The following ELK4 variants were observed in gnomAD, a reference collection of about 807,000 sequenced individuals.
ELK4 encodes the protein ETS domain-containing protein Elk-4.
A neutral mutation model predicts 29.6 loss-of-function variants in ELK4; 16 were observed. The ratio of observed to expected loss-of-function variants is 0.54; its 90% CI spans 0.37 to 0.82. The LOEUF (loss-of-function observed/expected upper bound fraction) is 0.82. ELK4 is among the 40% of genes least tolerant of loss of function. The pLI, the probability that ELK4 is intolerant of heterozygous loss-of-function variation, is 0.00. For missense variants in ELK4, 465 were observed against 507.1 expected, an observed-to-expected ratio of 0.92 and a Z score of 0.80; for synonymous variants, 213 against 191.1, an observed-to-expected ratio of 1.11 and a Z score of -0.95.
At chr1:205,629,184 A>AAAAAAAG (rs1457924284) in intron 1 of ELK4, among the ~76,000 whole-genome samples, 10 of 151,468 alleles carry the variant, frequency 6.6e-5, no homozygotes, top group African/African-American at 2.2e-4. Flanking sequence ...AAAAAAAAAA[A>AAAAAAAG]AAAAGAAAAG....
At position 205,616,337 on chromosome 1, in the gene ELK4, T is replaced by A. The variant is rs541169273; in HGVS notation, c.*209A>T. The A allele has an allele frequency of 6.3e-4, 284 of 449,522 alleles. 7 individuals carry two copies. The South Asian group carries it at 0.012, about 20-fold the overall frequency. The allele number at this position is 449,522 out of a possible 1,614,324, so 27.8% of individuals were successfully genotyped here. On this transcript the variant is annotated 3_prime_UTR_variant, in exon 5 of 5. Coordinates refer to ENST00000357992, the MANE Select transcript of ELK4 (RefSeq NM_001973.4). ...GGAAAAGACAGAGGGAGGTGGAGTT[T>A]AGACTCCAATTAAGGCATTTTTATA...
intron 1 of ELK4, among the ~76,000 whole-genome samples, chr1:205,627,514 A>G (rs1453523313): frequency 6.7e-6 from 1 of 149,726 alleles, no homozygotes; most frequent in Middle Eastern, 3.2e-3. Context: ...GCCTCAAAAA[A>G]AAAAAAGAAA....
intron 3 of ELK4, chr1:205,619,322 G>T: frequency 2.8e-6 from 3 of 1,062,748 alleles, no homozygotes; most frequent in Non-Finnish European, 3.4e-6. Flanking sequence ...AGTGGTTTTT[G>T]GTTACATGGA....
At position 205,607,966 on chromosome 1, in the gene ELK4, T is replaced by A. The variant is rs1392576273; in HGVS notation, c.*8580A>T. 2 of 173,250 alleles carry A rather than the reference T, an allele frequency of 1.2e-5. No homozygotes were observed. The highest frequency in any genetic ancestry group is 4.8e-5 in the African/African-American group (2 of 42,088). The allele number at this position is 173,250 out of a possible 1,614,324, so 10.7% of individuals were successfully genotyped here. A position where few individuals can be genotyped will look rare whatever the true frequency, so the allele number is the denominator to read the frequency against. ...AATCATTTTGTTAAAAATATTTATT[T>A]AAAAAAATACAACTGCTGTCCATAT... On this transcript the variant is annotated 3_prime_UTR_variant, in exon 5 of 5. Coordinates refer to ENST00000357992, the MANE Select transcript of ELK4 (RefSeq NM_001973.4).
At chr1:205,623,017 G>C (rs1448334720) in intron 2 of ELK4, among the ~76,000 whole-genome samples, 2 of 151,692 alleles carry the variant, frequency 1.3e-5, no homozygotes, top group Non-Finnish European at 2.9e-5. Flanking sequence ...AATTAGCTGG[G>C]CGTGGTGGTG....
chr1:205,619,099 CACTG>C, intron 3 of ELK4, 26 bp from the exon 4 acceptor site: 1 of 1,482,332 alleles, frequency 6.7e-7, no homozygotes, highest in African/African-American at 1.4e-5. Context: ...CAAAAATATT[CACTG>C]ACTGACTTAC....
intron 1 of ELK4, chr1:205,626,178 G>C (rs979568101): frequency 3.2e-6 from 2 of 623,354 alleles, no homozygotes; most frequent in African/African-American, 3.7e-5. Flanking sequence ...AGCTGGAAGG[G>C]GGGTCTCATT....
intron 2 of ELK4, 125 bp downstream of exon 2, chr1:205,623,551 G>A (rs1670394750): frequency 9.8e-7 from 1 of 1,020,596 alleles, no homozygotes; most frequent in Non-Finnish European, 1.5e-6. Flanking sequence ...CTGACCTCAG[G>A]TGATCCACCC....
Position 205,614,643 on chromosome 1 carries a change from C to T in ELK4, c.*1903G>A. The T allele has an allele frequency of 4.4e-6, 1 of 226,462 alleles. No individual in the cohort carries two copies. The allele number at this position is 226,462 out of a possible 1,614,324, so 14.0% of individuals were successfully genotyped here. A position where few individuals can be genotyped will look rare whatever the true frequency, so the allele number is the denominator to read the frequency against. ...CTCACTGAATATGTTCCCTCTACTA[C>T]TACTAAGTTAGCTAGCATAGATGTC... On this transcript the variant is annotated 3_prime_UTR_variant, in exon 5 of 5. Transcript: ENST00000357992.
rs567819535 is a variant in ELK4 at position 205,623,781 on chromosome 1, C to T, written c.102G>A (p.Lys34=). 1 of 1,614,022 alleles carries T rather than the reference C, an allele frequency of 6.2e-7. No individual in the cohort carries two copies. Among genetic ancestry groups the T allele is most frequent in the Admixed American group, 1.7e-5 (1 of 59,996 alleles). ...GAGCCACCTCTTCTGCCTGCAAAAG[C>T]TTAAACTGCCCATCATTAGAGGTCC... The part of the protein sequence containing the change: ...ICWTSNDGQF[K]LLQAEEVARL... The change falls in exon 2 of 5, where the codon AAG becomes AAA. Residue 34 remains lysine (K), a synonymous_variant. Coordinates refer to ENST00000357992, the MANE Select transcript of ELK4 (RefSeq NM_001973.4).
At chr1:205,626,734 G>GGAAT (rs1670472776) in intron 1 of ELK4, among the ~76,000 whole-genome samples, 1 of 152,148 alleles carries the variant, frequency 6.6e-6, no homozygotes, top group African/African-American at 2.4e-5. Context: ...ATTGCTGGTG[G>GGAAT]GAATGTAAAA....
At chr1:205,624,602 T>C (rs1023333649) in intron 1 of ELK4, among the ~76,000 whole-genome samples, 1 of 152,184 alleles carries the variant, frequency 6.6e-6, no homozygotes, top group Non-Finnish European at 1.5e-5. Flanking sequence ...AAGGCATGGA[T>C]TGAAGAAAAA....
chr1:205,629,534 T>C (rs959677489), intron 1 of ELK4, among the ~76,000 whole-genome samples: 1 of 151,882 alleles, frequency 6.6e-6, no homozygotes, highest in African/African-American at 2.4e-5. Context: ...CTGGCCAACA[T>C]GGTGAAACCC....
Position 205,611,386 on chromosome 1 carries a change from A to G in ELK4, c.*5160T>C. The G allele has an allele frequency of 4.7e-6, 1 of 211,908 alleles. No homozygotes were observed. The highest frequency in any genetic ancestry group is 7.1e-5 in the East Asian group (1 of 14,184). 13.1% of individuals were successfully genotyped at this position (211,908 alleles called of 1,614,324 possible). On this transcript the variant is annotated 3_prime_UTR_variant, in exon 5 of 5. Coordinates refer to ENST00000357992, the MANE Select transcript of ELK4 (RefSeq NM_001973.4). ...ATACACGACCAACCACAAGAATTCTAGATCCTAAGATTAAACTTCAACTTC... is the reference window on the plus strand; with the variant it reads ...ATACACGACCAACCACAAGAATTCTGGATCCTAAGATTAAACTTCAACTTC...
At chr1:205,629,408 G>T (rs546588006) in intron 1 of ELK4, among the ~76,000 whole-genome samples, 1 of 152,092 alleles carries the variant, frequency 6.6e-6, no homozygotes, top group Non-Finnish European at 1.5e-5. Flanking sequence ...TATTAACAAT[G>T]ATCTTCAATG....
chr1:205,616,420 G>A lies in ELK4; in HGVS notation c.*126C>T. 1 of 818,020 alleles carries A rather than the reference G, an allele frequency of 1.2e-6. No individual in the cohort carries two copies. The highest frequency in any genetic ancestry group is 1.9e-5 in the South Asian group (1 of 53,194). The allele number at this position is 818,020 out of a possible 1,614,324, so 50.7% of individuals were successfully genotyped here. On this transcript the variant is annotated 3_prime_UTR_variant, in exon 5 of 5. Coordinates refer to ENST00000357992, the MANE Select transcript of ELK4 (RefSeq NM_001973.4). ...AATCCTAAAAAGATGTTTTCAATGG[G>A]GAATGGCAAAAATCACAATAGTCTA...
chr1:205,609,648 A>C lies in ELK4; in HGVS notation c.*6898T>G, dbSNP rs1051678643. On this transcript the variant is annotated 3_prime_UTR_variant, in exon 5 of 5. Transcript: ENST00000357992. Reference sequence around the variant, plus strand: ...CTGGTTAATACTGCCCCAAGTAACAAAACAATGAAATGTCAGGATTGTGTC... The same window carrying C: ...CTGGTTAATACTGCCCCAAGTAACACAACAATGAAATGTCAGGATTGTGTC... The C allele has an allele frequency of 2.9e-5, 6 of 206,002 alleles. No individual in the cohort carries two copies. The highest frequency in any genetic ancestry group is 6.0e-5 in the Admixed American group (1 of 16,784). The allele number at this position is 206,002 out of a possible 1,614,324, so 12.8% of individuals were successfully genotyped here.
intron 1 of ELK4, among the ~76,000 whole-genome samples, chr1:205,631,077 C>T (rs752803010): frequency 6.6e-6 from 1 of 152,212 alleles, no homozygotes; most frequent in Non-Finnish European, 1.5e-5. Context: ...TTGATCTTCC[C>T]AGGAATGAAG....
At chr1:205,628,669 G>C (rs907062459) in intron 1 of ELK4, among the ~76,000 whole-genome samples, 6 of 152,190 alleles carry the variant, frequency 3.9e-5, no homozygotes, top group Non-Finnish European at 2.9e-5. Context: ...GAGCACCCAA[G>C]GAGACTCCCC....
Sources: gnomAD v4.1 joint callset for allele counts (sites outside exome capture counted in the v4.1 genomes callset) on GRCh38, gnomAD v4.1.1 for gene constraint, MANE v1.5 for transcripts, NCBI Gene and HGNC (gene_info 2026-07-23, HGNC 2026-07-21) for gene names.